SLC38A12: variants seen among roughly 807,000 people sequenced by gnomAD.
SLC38A12 encodes solute carrier family 38 member 12.
chr17:74,834,732 G>A, the SLC38A12 span, among the ~76,000 whole-genome samples: 45,121 of 152,196 alleles, frequency 0.3, 6,956 homozygotes, highest in East Asian at 0.43. Flanking sequence ...CTGCTCACCA[G>A]GAAATGTCAC....
the SLC38A12 span, among the ~76,000 whole-genome samples, chr17:74,792,577 C>T: frequency 2.0e-5 from 3 of 152,238 alleles, no homozygotes; most frequent in Admixed American, 6.5e-5. Context: ...CGAAGATTTT[C>T]TGCCCCTTTG....
the SLC38A12 span, chr17:74,819,800 G>A: frequency 1.3e-5 from 21 of 1,614,128 alleles, no homozygotes; most frequent in Non-Finnish European, 5.9e-6. Context: ...ACGTCCAGAA[G>A]ACCAAGTACC....
the SLC38A12 span, chr17:74,785,386 C>G: frequency 6.5e-7 from 1 of 1,533,164 alleles, no homozygotes; most frequent in Non-Finnish European, 8.9e-7. Context: ...CTTCTGGCCT[C>G]CACAGTGGTG....
chr17:74,798,782 G>A, the SLC38A12 span, among the ~76,000 whole-genome samples: 32 of 143,056 alleles, frequency 2.2e-4, no homozygotes, highest in Non-Finnish European at 4.8e-4. Flanking sequence ...AAATCAAATG[G>A]GAATGTGTGA....
At chr17:74,827,672 C>T in the SLC38A12 span, among the ~76,000 whole-genome samples, 52 of 152,278 alleles carry the variant, frequency 3.4e-4, no homozygotes, top group African/African-American at 1.0e-3. The surrounding 1 kb of genome is among the most constrained non-coding windows in gnomAD (Gnocchi z 4.7). Flanking sequence ...GGAGCTGTGC[C>T]CAGTGTAACT....
the SLC38A12 span, chr17:74,785,478 CCAGGTTGGGCTGGTGTA>C: frequency 6.2e-7 from 1 of 1,608,098 alleles, no homozygotes; most frequent in Non-Finnish European, 8.5e-7. Context: ...TCTGTCGGTT[CCAGGTTGGGCTGGTGTA>C]CATGTTTAAC....
chr17:74,812,118 A>G, the SLC38A12 span, among the ~76,000 whole-genome samples: 1 of 151,398 alleles, frequency 6.6e-6, no homozygotes, highest in Non-Finnish European at 1.5e-5. Context: ...TCCCCCACCG[A>G]GATGTTTGGA....
the SLC38A12 span, among the ~76,000 whole-genome samples, chr17:74,829,119 G>T: frequency 2.0e-5 from 3 of 151,976 alleles, no homozygotes; most frequent in Non-Finnish European, 4.4e-5. This position sits in a 1 kb window ranked among gnomAD's most constrained non-coding sequence, Gnocchi z 4.1. Flanking sequence ...CCTTTTCCAC[G>T]CTAAGTCTTT....
the SLC38A12 span, among the ~76,000 whole-genome samples, chr17:74,785,044 A>G: frequency 1.5e-3 from 236 of 152,280 alleles, no homozygotes; most frequent in African/African-American, 5.3e-3. Context: ...GACAATGGCG[A>G]GGACCTTGAG....
chr17:74,784,673 G>T, the SLC38A12 span, among the ~76,000 whole-genome samples: 13 of 152,124 alleles, frequency 8.5e-5, no homozygotes, highest in Admixed American at 7.2e-4. Flanking sequence ...GAGGAACTCA[G>T]GTCAGACAGG....
chr17:74,781,867 C>T, the SLC38A12 span, among the ~76,000 whole-genome samples: 1 of 152,346 alleles, frequency 6.6e-6, no homozygotes, highest in East Asian at 1.9e-4. Flanking sequence ...GCCCGGCTTG[C>T]TGTGCTTCAG....
chr17:74,832,669 G>A, the SLC38A12 span, among the ~76,000 whole-genome samples: 3 of 152,260 alleles, frequency 2.0e-5, no homozygotes, highest in Non-Finnish European at 4.4e-5. Context: ...CAGCCGAGCT[G>A]CCACACAGCT....
the SLC38A12 span, among the ~76,000 whole-genome samples, chr17:74,825,122 C>T: frequency 6.6e-6 from 1 of 152,262 alleles, no homozygotes; most frequent in East Asian, 1.9e-4. Flanking sequence ...CTCAGAGGTC[C>T]CAGAAGGACC....
At chr17:74,838,200 C>T in the SLC38A12 span, 89 of 985,670 alleles carry the variant, frequency 9.0e-5, no homozygotes, top group African/African-American at 1.3e-3. Flanking sequence ...TCTGTGCCGT[C>T]GCACCTCAGT....
the SLC38A12 span, among the ~76,000 whole-genome samples, chr17:74,792,840 C>T: frequency 3.1e-4 from 47 of 152,210 alleles, no homozygotes; most frequent in Non-Finnish European, 5.1e-4. Context: ...AGGTTCAGCC[C>T]GCATCTGTGC....
chr17:74,827,100 C>A, the SLC38A12 span, among the ~76,000 whole-genome samples: 1 of 152,052 alleles, frequency 6.6e-6, no homozygotes, highest in East Asian at 1.9e-4. The surrounding 1 kb of genome is among the most constrained non-coding windows in gnomAD (Gnocchi z 4.7). Flanking sequence ...CGTTGGAGCA[C>A]AAGGGGAGCT....
chr17:74,783,921 G>A, the SLC38A12 span, among the ~76,000 whole-genome samples: 1 of 151,356 alleles, frequency 6.6e-6, no homozygotes, highest in South Asian at 2.1e-4. Context: ...TAGAGACAGG[G>A]TTTCACCATG....
At chr17:74,795,168 T>C in the SLC38A12 span, 2 of 1,444,806 alleles carry the variant, frequency 1.4e-6, no homozygotes, top group Non-Finnish European at 1.9e-6. Flanking sequence ...CCTCAGCAAG[T>C]CAGGGCAGAG....
the SLC38A12 span, among the ~76,000 whole-genome samples, chr17:74,776,728 C>T: frequency 6.6e-6 from 1 of 152,024 alleles, no homozygotes; most frequent in Admixed American, 6.5e-5. Context: ...AAAGAGGGAG[C>T]TTTGAGGGTG....
Sources: allele counts gnomAD v4.1 joint callset (sites outside exome capture counted in the v4.1 genomes callset), GRCh38; gene constraint gnomAD v4.1.1; non-coding constraint Gnocchi (gnomAD v3.1); transcripts MANE v1.5; gene names NCBI Gene and HGNC (gene_info 2026-07-23, HGNC 2026-07-21).